The following PLCH1 variants were observed in gnomAD, a reference collection of about 807,000 sequenced individuals.
PLCH1 encodes the protein phospholipase C eta 1, also known as 1-phosphatidylinositol 4,5-bisphosphate phosphodiesterase eta-1.
In PLCH1, 60 loss-of-function variants were observed where a neutral mutation model predicts 126.7. The ratio of observed to expected loss-of-function variants is 0.47; its 90% CI spans 0.38 to 0.59. The LOEUF (loss-of-function observed/expected upper bound fraction) is 0.59, where lower values mean the gene tolerates loss of function less well. Ranked by LOEUF, PLCH1 falls within the 20% of genes least tolerant of loss-of-function variation. The probability of loss-of-function intolerance (pLI) is 0.00; values close to 1 mark genes in which losing one functional copy is unlikely to be tolerated. For missense variants in PLCH1, 1,723 were observed against 2,040.0 expected (o/e 0.84, Z 2.99); for synonymous variants, 719 against 734.9 (o/e 0.98, Z 0.35).
chr3:155,617,575 G>C (rs1043256172), intron 2 of PLCH1, among the ~76,000 whole-genome samples: 2 of 152,044 alleles, frequency 1.3e-5, no homozygotes, highest in African/African-American at 2.4e-5. Flanking sequence ...CTCTCTACCT[G>C]GTTTCTCCAG....
chr3:155,734,786 G>A (rs1410590134), intron 1 of PLCH1, among the ~76,000 whole-genome samples: 1 of 148,880 alleles, frequency 6.7e-6, no homozygotes, highest in Non-Finnish European at 1.5e-5. Context: ...TCGGCTCACT[G>A]CAACCTCCGC....
intron 14 of PLCH1, among the ~76,000 whole-genome samples, chr3:155,500,117 G>A (rs774478655): frequency 6.6e-6 from 1 of 152,110 alleles, no homozygotes; most frequent in South Asian, 2.1e-4. Context: ...CATGTGTCAC[G>A]ATTTGGATTC....
Position 155,490,815 on chromosome 3 carries a change from A to T in PLCH1, c.2361T>A (p.Cys787Ter). ...CATCTACCACACGGGTTTGATCTTT[A>T]CAACAATCTACTGGCAATCCAATAA... is the stretch of plus-strand genomic sequence containing the variant. ...VEIIGLPVDC[C>*]KDQTRVVDDN... Residue 787 changes from cysteine to a stop codon, truncating the protein, a stop_gained, in exon 19 of 23, where the codon TGT becomes TGA. Coordinates refer to ENST00000460012, the MANE Select transcript of PLCH1 (RefSeq NM_014996.4). LOFTEE classifies it high-confidence loss of function. The T allele has an allele frequency of 6.3e-7, 1 of 1,598,460 alleles. No individual in the cohort carries two copies. The highest frequency in any genetic ancestry group is 8.6e-7 in the Non-Finnish European group (1 of 1,166,098).
At chr3:155,561,380 G>A (rs545186987) in intron 8 of PLCH1, among the ~76,000 whole-genome samples, 57 of 150,284 alleles carry the variant, frequency 3.8e-4, no homozygotes, top group Admixed American at 9.4e-4. Flanking sequence ...GAGAATATGC[G>A]GAGTTTGGTT....
chr3:155,501,738 C>G (rs996266481), intron 13 of PLCH1, among the ~76,000 whole-genome samples: 5 of 151,894 alleles, frequency 3.3e-5, no homozygotes, highest in Non-Finnish European at 5.9e-5. Flanking sequence ...GAGGTTGCAG[C>G]GAGCCGAGAT....
intron 11 of PLCH1, among the ~76,000 whole-genome samples, chr3:155,523,222 C>T (rs1037969851): frequency 2.6e-5 from 4 of 152,208 alleles, no homozygotes; most frequent in African/African-American, 9.6e-5. Context: ...GTGATCTGCC[C>T]GCCTCGGCCT....
intron 8 of PLCH1, among the ~76,000 whole-genome samples, chr3:155,564,496 T>C (rs1728051712): frequency 1.3e-5 from 2 of 151,726 alleles, no homozygotes; most frequent in Admixed American, 6.6e-5. Context: ...ACCTGGGAGG[T>C]GGAGATTGCA....
At chr3:155,716,378 G>C (rs1429183699) in intron 1 of PLCH1, among the ~76,000 whole-genome samples, 5 of 152,200 alleles carry the variant, frequency 3.3e-5, no homozygotes, top group Non-Finnish European at 7.3e-5. Flanking sequence ...TTCAAATCTT[G>C]TGTGTTAGGC....
intron 17 of PLCH1, among the ~76,000 whole-genome samples, 160 bp from the exon 18 acceptor site, chr3:155,493,013 T>G (rs1231813456): frequency 2.6e-5 from 4 of 152,244 alleles, no homozygotes; most frequent in Non-Finnish European, 4.4e-5. Context: ...TTAGAAACCA[T>G]GTTGCCAAAG....
At chr3:155,702,273 C>T (rs1056024312) in intron 2 of PLCH1, among the ~76,000 whole-genome samples, 3 of 152,222 alleles carry the variant, frequency 2.0e-5, no homozygotes, top group African/African-American at 7.2e-5. Flanking sequence ...TGTCCAAGAC[C>T]GTACACTGCT....
intron 2 of PLCH1, among the ~76,000 whole-genome samples, chr3:155,662,512 C>G (rs1709562073): frequency 6.7e-6 from 1 of 150,028 alleles, no homozygotes; most frequent in South Asian, 2.1e-4. Flanking sequence ...TGTATATATA[C>G]AAGTTTTTTT....
downstream of PLCH1, among the ~76,000 whole-genome samples, chr3:155,479,313 C>A (rs754209797): frequency 6.6e-6 from 1 of 152,124 alleles, no homozygotes; most frequent in Non-Finnish European, 1.5e-5. Flanking sequence ...GCCTTGGGCT[C>A]ACTAAGGGCA....
At chr3:155,655,385 T>C (rs1219825101) in intron 2 of PLCH1, among the ~76,000 whole-genome samples, 1 of 151,922 alleles carries the variant, frequency 6.6e-6, no homozygotes, top group Non-Finnish European at 1.5e-5. Flanking sequence ...ATTGCCATGA[T>C]TGCCCACTGC....
intron 2 of PLCH1, among the ~76,000 whole-genome samples, chr3:155,698,280 T>C (rs1317627076): frequency 6.6e-6 from 1 of 152,188 alleles, no homozygotes; most frequent in Non-Finnish European, 1.5e-5. Context: ...TTTTAAAATA[T>C]AAATAAATAG....
chr3:155,467,935 G>A (rs1712992985), intron 21 of PLCH1, among the ~76,000 whole-genome samples: 1 of 152,152 alleles, frequency 6.6e-6, no homozygotes, highest in African/African-American at 2.4e-5. Flanking sequence ...GTAATAGTAA[G>A]TACAGAGAAA....
chr3:155,560,138 A>C (rs1443740701), intron 8 of PLCH1, among the ~76,000 whole-genome samples: 1 of 152,214 alleles, frequency 6.6e-6, no homozygotes, highest in Non-Finnish European at 1.5e-5. Flanking sequence ...GAATTAACAA[A>C]GTTGTAAAAT....
chr3:155,540,382 T>C (rs1724070993), intron 10 of PLCH1, among the ~76,000 whole-genome samples: 1 of 151,986 alleles, frequency 6.6e-6, no homozygotes, highest in South Asian at 2.1e-4. Context: ...AAAACAAAGA[T>C]AAAGAGATGG....
chr3:155,540,664 G>A (rs1204096332), intron 10 of PLCH1, among the ~76,000 whole-genome samples: 1 of 152,094 alleles, frequency 6.6e-6, no homozygotes. Flanking sequence ...CTAATAATCA[G>A]GGAAATGCAA....
intron 21 of PLCH1, among the ~76,000 whole-genome samples, chr3:155,474,097 G>A (rs1272822976): frequency 1.3e-5 from 2 of 152,122 alleles, no homozygotes; most frequent in Non-Finnish European, 2.9e-5. Flanking sequence ...AAACTAAAGA[G>A]CTTCTGCACA....
Sources: gnomAD v4.1 joint callset for allele counts (sites outside exome capture counted in the v4.1 genomes callset) on GRCh38, gnomAD v4.1.1 for gene constraint, MANE v1.5 for transcripts, NCBI Gene and HGNC (gene_info 2026-07-23, HGNC 2026-07-21) for gene names.